The following ENTPD8 variants were observed in gnomAD, a reference collection of about 807,000 sequenced individuals.
ENTPD8 encodes ectonucleoside triphosphate diphosphohydrolase 8, also known as E-NTPDase 8.
Under a neutral mutation model 47.0 loss-of-function variants are expected in ENTPD8, and 35 were observed. The ratio of observed to expected loss-of-function variants is 0.75; its 90% CI spans 0.57 to 0.99. The LOEUF (loss-of-function observed/expected upper bound fraction) is 0.99. Among genes scored for constraint, ENTPD8 ranks in the 50% least tolerant of loss-of-function variants. The pLI is 0.00. For missense variants in ENTPD8, 668 were observed against 649.9 expected (o/e 1.03, Z -0.30); for synonymous variants, 308 against 290.5 (o/e 1.06, Z -0.61).
Position 137,438,218 on chromosome 9 carries a change from G to T in ENTPD8, c.68C>A (p.Thr23Lys). The change falls in exon 2 of 10, where the codon ACG (threonine) becomes AAG (lysine). Residue 23 changes from threonine to lysine, a missense_variant. Transcript: ENST00000371506. The surrounding 1 kb of genome is among the most constrained non-coding windows in gnomAD (Gnocchi z 5.7). ...LLGASGVSGL[T>K]ALILLLVEAT... ...CTCCACCAGGAGGAGAATGAGTGCC[G>T]TGAGGCCTGAGACCCCCGAGGCCCC... The T allele has an allele frequency of 6.2e-7, 1 of 1,605,630 alleles. No individual in the cohort carries two copies. Among genetic ancestry groups the T allele is most frequent in the Non-Finnish European group, 8.5e-7 (1 of 1,176,612 alleles).
chr9:137,437,844 A>G (rs1239684505), intron 3 of ENTPD8, 123 bp downstream of exon 3: 9 of 878,212 alleles, frequency 1.0e-5, no homozygotes, highest in East Asian at 2.4e-5. Flanking sequence ...CCCAGCACCC[A>G]TGCCCGGCGT....
chr9:137,438,883 G>T lies in ENTPD8; in HGVS notation c.-20-578C>A, dbSNP rs1338209820. On this transcript the variant is annotated intron_variant, in intron 1 of 9. Transcript: ENST00000371506. The surrounding 1 kb of genome is among the most constrained non-coding windows in gnomAD (Gnocchi z 5.7). ...CCACCATGTGATGGGGCCACCCTGT[G>T]TCCCCACCCCTCGGTCCTGCCTCTC... 1.3e-5 allele frequency among the ~76,000 whole-genome samples: 2 copies of T among 152,104 alleles called. No individual in the cohort carries two copies. Among genetic ancestry groups the T allele is most frequent in the South Asian group, 4.1e-4 (2 of 4,828 alleles).
rs1401516048 is a variant in ENTPD8, at chr9:137,437,467, C to T, written c.245-158G>A. Among the ~76,000 whole-genome samples, 3 of 152,228 alleles carry T rather than the reference C, an allele frequency of 2.0e-5. No homozygotes were observed. The East Asian group carries it at 5.8e-4, about 29-fold the overall frequency. On this transcript the variant is annotated intron_variant, in intron 3 of 9. Coordinates refer to ENST00000371506, the MANE Select transcript of ENTPD8 (RefSeq NM_001033113.2). ...GAAGGAAGCAGGAAGGACCCTAACC[C>T]AGAGCCTCTGGAGGGGGTGCGGCCC...
intron 8 of ENTPD8, 134 bp downstream of exon 8, chr9:137,435,585 G>A: frequency 1.9e-6 from 2 of 1,063,114 alleles, no homozygotes; most frequent in South Asian, 3.0e-5. Context: ...GCACGGCCTG[G>A]AGCTGTCCTC....
chr9:137,438,680 C>T lies in ENTPD8; in HGVS notation c.-20-375G>A, dbSNP rs571223168. ...CATAGAGGCATCCCCGGGGCTCAGA[C>T]GCCTCCCGTGGCCAAGGACCACTCC... On this transcript the variant is annotated intron_variant, in intron 1 of 9. Coordinates refer to ENST00000371506, the MANE Select transcript of ENTPD8 (RefSeq NM_001033113.2). The surrounding 1 kb of genome is among the most constrained non-coding windows in gnomAD (Gnocchi z 5.7). 1.1e-4 allele frequency among the ~76,000 whole-genome samples: 17 copies of T among 151,518 alleles called. No homozygotes were observed. The highest frequency in any genetic ancestry group is 5.9e-4 in the East Asian group (3 of 5,128).
In ENTPD8 at chr9:137,434,508, G is replaced by A. The variant is rs1029349840; in HGVS notation, c.*406C>T. 5 of 975,886 alleles carry A rather than the reference G, an allele frequency of 5.1e-6. No homozygotes were observed. In the African/African-American group the frequency reaches 6.5e-5, roughly 13 times the overall value. 60.5% of individuals were successfully genotyped at this position (975,886 alleles called of 1,614,324 possible). A position where few individuals can be genotyped will look rare whatever the true frequency, so the allele number is the denominator to read the frequency against. ...TCAGACAACAGCAGGGAGAGCGGGG[G>A]TCCAGGTGGGGCAGCTCCCTCCCTT... On this transcript the variant is annotated 3_prime_UTR_variant, in exon 10 of 10. Coordinates refer to ENST00000371506, the MANE Select transcript of ENTPD8 (RefSeq NM_001033113.2).
Position 137,437,266 on chromosome 9 carries a change from A to G in ENTPD8, c.288T>C (p.Gly96=). The G allele has an allele frequency of 6.2e-7, 1 of 1,612,858 alleles. No homozygotes were observed. Among genetic ancestry groups the G allele is most frequent in the Non-Finnish European group, 8.5e-7 (1 of 1,179,924 alleles). Residue 96 remains glycine, a synonymous_variant, in exon 4 of 10, where the codon GGT becomes GGC. Coordinates refer to ENST00000371506, the MANE Select transcript of ENTPD8 (RefSeq NM_001033113.2). The stretch of plus-strand genomic sequence containing the variant: ...CCTCCAAGCAGCCCTGCAGGCTCTC[A>G]CCAGCCTGTGCAGCATTAGAAGTGT... ...SSYTSNAAQA[G]ESLQGCLEEA... is the part of the protein sequence containing the mutation.
In ENTPD8 at chr9:137,435,687, C is replaced by T. The variant is rs748544733; in HGVS notation, c.1161+32G>A. On this transcript the variant is annotated intron_variant, in intron 8 of 9. Transcript: ENST00000371506. The stretch of plus-strand genomic sequence containing the variant: ...GCAGCCCTGTACCCTCAGGGACCCT[C>T]GCTGCAGCCAGGGAGCCCAGGGCCC... The T allele has an allele frequency of 2.4e-5, 38 of 1,572,778 alleles. 1 individual carries two copies. The highest frequency in any genetic ancestry group is 8.9e-5 in the South Asian group (8 of 89,734).
At chr9:137,435,625 G>A (rs948516115) in intron 8 of ENTPD8, 94 bp downstream of exon 8, 25 of 1,295,908 alleles carry the variant, frequency 1.9e-5, no homozygotes, top group Admixed American at 3.8e-5. Context: ...CCTGCTGGCC[G>A]TGCTGCCCAG....
At position 137,436,916 on chromosome 9, in the gene ENTPD8, C is replaced by T; in HGVS notation, c.508G>A (p.Ala170Thr). The change falls in exon 5 of 10, where the codon GCC becomes ACC. Residue 170 changes from alanine (A) to threonine (T), a missense_variant. Coordinates refer to ENST00000371506, the MANE Select transcript of ENTPD8 (RefSeq NM_001033113.2). ...TAGTTGACAGTGATCCAACCAAAGG[C>T]ACCTTCGGCCTGCCCGGCCAGGAGC... ...AELLAGQAEG[A>T]FGWITVNYGL... The T allele has an allele frequency of 6.2e-7, 1 of 1,613,054 alleles. No homozygotes were observed.
Position 137,436,043 on chromosome 9 carries a change from G to C in ENTPD8, c.1020C>G (p.Val340=). 6.2e-7 allele frequency: 1 copy of C among 1,612,910 alleles called. No individual in the cohort carries two copies. The highest frequency in any genetic ancestry group is 1.3e-5 in the African/African-American group (1 of 75,072). Residue 340 remains valine (V), a synonymous_variant, in exon 7 of 10, where the codon GTC becomes GTG. Coordinates refer to ENST00000371506, the MANE Select transcript of ENTPD8 (RefSeq NM_001033113.2). The part of the protein sequence containing the change: ...QGQEDCAFDG[V]YQPPLRGQFY... ...ACTGGCCCCGCAGCGGGGGCTGGTAGACCCCGTCAAAGGCGCAGTCCTCCT... is the reference window on the plus strand; with the variant it reads ...ACTGGCCCCGCAGCGGGGGCTGGTACACCCCGTCAAAGGCGCAGTCCTCCT...
intron 8 of ENTPD8, 122 bp from the exon 9 acceptor site, chr9:137,435,460 G>A: frequency 6.9e-7 from 1 of 1,447,254 alleles, no homozygotes; most frequent in Non-Finnish European, 9.1e-7. Flanking sequence ...GGCAGTGGTA[G>A]AGAGCCCCTC....
chr9:137,435,592 C>T (rs1372677873), intron 8 of ENTPD8, 127 bp downstream of exon 8: 2 of 1,092,446 alleles, frequency 1.8e-6, no homozygotes, highest in African/African-American at 3.1e-5. Flanking sequence ...CTGGAGCTGT[C>T]CTCTGCCCTT....
rs749131912 is a variant in ENTPD8 at position 137,438,292 on chromosome 9, G to C, written c.-7C>G. On this transcript the variant is annotated 5_prime_UTR_variant, in exon 2 of 10. Transcript: ENST00000371506. This position sits in a 1 kb window ranked among gnomAD's most constrained non-coding sequence, Gnocchi z 5.7. ...CCTTCCGGGACAGCCCCATGGTGCA[G>C]GTGGTACTGGTTCCTGTGGGGGGAC... 14 of 1,559,870 alleles carry C rather than the reference G, an allele frequency of 9.0e-6. No individual in the cohort carries two copies. In the East Asian group the frequency reaches 2.8e-4, roughly 31 times the overall value.
rs772670458 is a variant in ENTPD8, at chr9:137,435,335, C to G, written c.1165G>C (p.Glu389Gln). Residue 389 changes from glutamate to glutamine, a missense_variant, in exon 9 of 10, where the codon GAG (glutamate) becomes CAG (glutamine). Coordinates refer to ENST00000371506, the MANE Select transcript of ENTPD8 (RefSeq NM_001033113.2). Reference protein sequence around the residue: ...EFCQRPWKLVEASYPGQDRWL... With the variant: ...EFCQRPWKLVQASYPGQDRWL... ...CGGTCCTGCCCAGGGTAGCTGGCCT[C>G]CACCTGGGGCCCAGGAGACCAAGAG... is the stretch of plus-strand genomic sequence containing the variant. 6 of 1,609,190 alleles carry G rather than the reference C, an allele frequency of 3.7e-6. No individual in the cohort carries two copies. The highest frequency in any genetic ancestry group is 5.1e-6 in the Non-Finnish European group (6 of 1,178,330).
In ENTPD8 at chr9:137,438,138, T is replaced by A. The variant is rs756575058; in HGVS notation, c.126+22A>T. 8.1e-6 allele frequency: 13 copies of A among 1,609,436 alleles called. No individual in the cohort carries two copies. In the Admixed American group the frequency reaches 2.2e-4, roughly 27 times the overall value. On this transcript the variant is annotated intron_variant, in intron 2 of 9. Transcript: ENST00000371506. This position sits in a 1 kb window ranked among gnomAD's most constrained non-coding sequence, Gnocchi z 5.7. ...CAACACCTGTGGACCCGGCCCGGCC[T>A]CCCCTGCCGGCGGGGACGCACCTTG...
chr9:137,438,119 C>T lies in ENTPD8; in HGVS notation c.127-35G>A. The T allele has an allele frequency of 6.2e-7, 1 of 1,610,892 alleles. No homozygotes were observed. The highest frequency in any genetic ancestry group is 1.1e-5 in the South Asian group (1 of 91,008). On this transcript the variant is annotated intron_variant, in intron 2 of 9. Coordinates refer to ENST00000371506, the MANE Select transcript of ENTPD8 (RefSeq NM_001033113.2). This position sits in a 1 kb window ranked among gnomAD's most constrained non-coding sequence, Gnocchi z 5.7. ...CAGTGGGATGAGTGGGAGGCAACAC[C>T]TGTGGACCCGGCCCGGCCTCCCCTG...
At position 137,441,331 on chromosome 9, in the gene ENTPD8, C is replaced by T; in HGVS notation, c.-66G>A. On this transcript the variant is annotated 5_prime_UTR_variant, in exon 1 of 10. Coordinates refer to ENST00000371506, the MANE Select transcript of ENTPD8 (RefSeq NM_001033113.2). ...CCGGAGCGGCAAGGAGGAAGCTGTG[C>T]TTAGACGCTTCTGTGTCCGCGCACC... is the stretch of plus-strand genomic sequence containing the variant. The T allele has an allele frequency of 4.0e-6, 1 of 248,974 alleles. No homozygotes were observed. Among genetic ancestry groups the T allele is most frequent in the South Asian group, 3.7e-5 (1 of 27,264 alleles). The allele number at this position is 248,974 out of a possible 1,614,324, so 15.4% of individuals were successfully genotyped here.
chr9:137,441,322 G>A lies in ENTPD8; in HGVS notation c.-57C>T, dbSNP rs1217043818. On this transcript the variant is annotated 5_prime_UTR_variant, in exon 1 of 10. Transcript: ENST00000371506. ...GCCCACTTCCCGGAGCGGCAAGGAG[G>A]AAGCTGTGCTTAGACGCTTCTGTGT... is the stretch of plus-strand genomic sequence containing the variant. 1.8e-5 allele frequency: 5 copies of A among 274,234 alleles called. No homozygotes were observed. The highest frequency in any genetic ancestry group is 9.3e-5 in the South Asian group (3 of 32,382). 17.0% of individuals were successfully genotyped at this position (274,234 alleles called of 1,614,324 possible).
Sources: allele counts gnomAD v4.1 joint callset (sites outside exome capture counted in the v4.1 genomes callset), GRCh38; gene constraint gnomAD v4.1.1; non-coding constraint Gnocchi (gnomAD v3.1); transcripts MANE v1.5; gene names NCBI Gene and HGNC (gene_info 2026-07-23, HGNC 2026-07-21).